The following RBFOX1 variants were observed in gnomAD, a reference collection of about 807,000 sequenced individuals.
RBFOX1 encodes RNA binding protein fox-1 homolog 1.
In RBFOX1, 8 loss-of-function variants were observed where a neutral mutation model predicts 57.7. The ratio of observed to expected loss-of-function variants is 0.14; its 90% CI spans 0.08 to 0.25. The LOEUF is 0.25. Ranked by LOEUF, RBFOX1 falls within the 10% of genes least tolerant of loss-of-function variation. RBFOX1 has a pLI of 1.00. For missense variants in RBFOX1, 611 were observed against 548.5 expected, an observed-to-expected ratio of 1.11 and a Z score of -1.14; for synonymous variants, 326 against 222.4, an observed-to-expected ratio of 1.47 and a Z score of -4.15.
At chr16:7,315,264 T>C (rs1269860488) in intron 4 of RBFOX1, among the ~76,000 whole-genome samples, 2 of 152,138 alleles carry the variant, frequency 1.3e-5, no homozygotes, top group Admixed American at 6.5e-5. Flanking sequence ...ATTAGAATGA[T>C]ACTTTAAATA....
At chr16:6,676,001 A>G (rs2057578359) in intron 3 of RBFOX1, among the ~76,000 whole-genome samples, 1 of 152,092 alleles carries the variant, frequency 6.6e-6, no homozygotes, top group African/African-American at 2.4e-5. Context: ...GCGATGGGAG[A>G]GGAGAGGTTC....
chr16:7,465,529 G>A (rs966090601), intron 4 of RBFOX1, among the ~76,000 whole-genome samples: 2 of 152,218 alleles, frequency 1.3e-5, no homozygotes, highest in Admixed American at 1.3e-4. Flanking sequence ...TCCATGGAAA[G>A]CACTGCCTGC....
At chr16:5,815,759 T>G (rs2151791615) in intron 3 of RBFOX1, among the ~76,000 whole-genome samples, 1 of 152,292 alleles carries the variant, frequency 6.6e-6, no homozygotes, top group African/African-American at 2.4e-5. Flanking sequence ...CACCCCACGC[T>G]TCCGAACACA....
At chr16:6,223,520 T>G (rs2097392819) in intron 1 of RBFOX1, among the ~76,000 whole-genome samples, 1 of 152,252 alleles carries the variant, frequency 6.6e-6, no homozygotes, top group Non-Finnish European at 1.5e-5. Flanking sequence ...TGTCTGTTCA[T>G]ATCCTTTGCC....
chr16:6,832,993 A>G (rs1465333064), intron 3 of RBFOX1, among the ~76,000 whole-genome samples: 1 of 152,098 alleles, frequency 6.6e-6, no homozygotes, highest in African/African-American at 2.4e-5. Flanking sequence ...CTCCTCATTT[A>G]CCACTAATGT....
chr16:7,328,198 G>C (rs1286753596), intron 4 of RBFOX1, among the ~76,000 whole-genome samples: 4 of 152,032 alleles, frequency 2.6e-5, no homozygotes, highest in Admixed American at 6.6e-5. Flanking sequence ...TGGGAAAGGA[G>C]GTTCTGGGCG....
chr16:7,520,317 A>T (rs2077263634), intron 5 of RBFOX1, among the ~76,000 whole-genome samples: 1 of 152,212 alleles, frequency 6.6e-6, no homozygotes, highest in South Asian at 2.1e-4. Context: ...ACATTTCAAT[A>T]GCATTCAGTG....
intron 4 of RBFOX1, among the ~76,000 whole-genome samples, chr16:5,967,665 CTGTTT>C (rs753564624): frequency 2.0e-4 from 30 of 152,154 alleles, no homozygotes; most frequent in Non-Finnish European, 3.5e-4. Flanking sequence ...AATCTATTCT[CTGTTT>C]TATCTATCTC....
intron 4 of RBFOX1, among the ~76,000 whole-genome samples, chr16:7,134,834 G>A (rs1188401452): frequency 1.3e-5 from 2 of 152,032 alleles, no homozygotes; most frequent in African/African-American, 2.4e-5. Context: ...TGTTTGTGAT[G>A]GTTACAGTTT....
At chr16:6,234,550 G>A (rs2097490469) in intron 1 of RBFOX1, among the ~76,000 whole-genome samples, 1 of 152,152 alleles carries the variant, frequency 6.6e-6, no homozygotes, top group African/African-American at 2.4e-5. Context: ...TCAGGAATAG[G>A]AGCAGAGAAA....
chr16:7,569,612 C>G (rs1363737561), intron 5 of RBFOX1, among the ~76,000 whole-genome samples: 8 of 152,152 alleles, frequency 5.3e-5, no homozygotes, highest in African/African-American at 1.9e-4. Context: ...GTATCCTATT[C>G]AAGATTCCAG....
At chr16:6,840,367 C>G (rs1270326386) in intron 3 of RBFOX1, among the ~76,000 whole-genome samples, 1 of 152,176 alleles carries the variant, frequency 6.6e-6, no homozygotes, top group Non-Finnish European at 1.5e-5. Flanking sequence ...CCCTGTATTT[C>G]AGGATTCCTG....
At chr16:6,301,783 A>G (rs936396254) in intron 1 of RBFOX1, among the ~76,000 whole-genome samples, 1 of 152,234 alleles carries the variant, frequency 6.6e-6, no homozygotes, top group Non-Finnish European at 1.5e-5. Flanking sequence ...ATCTGGACCC[A>G]AAACATGAGG....
At chr16:6,455,901 G>A (rs1424572077) in intron 2 of RBFOX1, among the ~76,000 whole-genome samples, 1 of 152,088 alleles carries the variant, frequency 6.6e-6, no homozygotes, top group African/African-American at 2.4e-5. Context: ...ATTGGGGGGT[G>A]GTAAGAAAAT....
chr16:5,271,762 G>A (rs1482104223), intron 1 of RBFOX1, among the ~76,000 whole-genome samples: 1 of 151,798 alleles, frequency 6.6e-6, no homozygotes, highest in African/African-American at 2.4e-5. Context: ...CCTTTCCTGC[G>A]CCCCAGCCCC....
chr16:5,413,348 C>G (rs762285618), intron 1 of RBFOX1, among the ~76,000 whole-genome samples: 2 of 152,160 alleles, frequency 1.3e-5, no homozygotes, highest in Admixed American at 6.5e-5. Flanking sequence ...TTTTCTTTCT[C>G]CTCATTACTG....
intron 3 of RBFOX1, among the ~76,000 whole-genome samples, chr16:6,992,837 C>CAAAA (rs3048923): frequency 0.049 from 5,828 of 117,870 alleles, 306 homozygotes; most frequent in African/African-American, 0.13. Context: ...CTTCCTTTTC[C>CAAAA]AAAAAAAAAA....
intron 2 of RBFOX1, among the ~76,000 whole-genome samples, chr16:6,647,903 G>C (rs901885150): frequency 6.6e-6 from 1 of 152,130 alleles, no homozygotes; most frequent in African/African-American, 2.4e-5. Flanking sequence ...GTGTAGTGGT[G>C]CAATCTCGGC....
chr16:7,619,340 T>G (rs564501597), intron 10 of RBFOX1, among the ~76,000 whole-genome samples: 1 of 152,178 alleles, frequency 6.6e-6, no homozygotes, highest in Admixed American at 6.5e-5. Context: ...TGAAATATTA[T>G]GTTTGTTTTT....
Sources: gnomAD v4.1 joint callset for allele counts (sites outside exome capture counted in the v4.1 genomes callset) on GRCh38, gnomAD v4.1.1 for gene constraint, MANE v1.5 for transcripts, NCBI Gene and HGNC (gene_info 2026-07-23, HGNC 2026-07-21) for gene names.